ASXL1: variants seen among roughly 807,000 people sequenced by gnomAD.
ASXL1 encodes polycomb group protein ASXL1.
ASXL1 carries 65 observed loss-of-function variants against 89.1 expected under a neutral mutation model. The observed-to-expected ratio is 0.73, with a 90% confidence interval of 0.60 to 0.90. The LOEUF (loss-of-function observed/expected upper bound fraction) is 0.90, where lower values mean the gene tolerates loss of function less well. Among genes scored for constraint, ASXL1 ranks in the 40% least tolerant of loss-of-function variants. The pLI is 0.00. For synonymous variants in ASXL1, 739 were observed against 746.9 expected (o/e 0.99, Z 0.17); for missense variants, 1,786 against 1,942.9 (o/e 0.92, Z 1.52).
chr20:32,414,437 T>C (rs2049102140), intron 4 of ASXL1, among the ~76,000 whole-genome samples: 1 of 151,850 alleles, frequency 6.6e-6, no homozygotes, highest in Non-Finnish European at 1.5e-5. Flanking sequence ...CTGGCTGAGC[T>C]GTAGTACGTG....
intron 4 of ASXL1, among the ~76,000 whole-genome samples, chr20:32,392,096 T>A (rs2048682432): frequency 6.6e-6 from 1 of 151,904 alleles, no homozygotes; most frequent in South Asian, 2.1e-4. Context: ...TTGGGTTAAG[T>A]CCACCATCTA....
chr20:32,415,992 GTTGA>G (rs1443137418), intron 4 of ASXL1, among the ~76,000 whole-genome samples: 3 of 152,242 alleles, frequency 2.0e-5, no homozygotes, highest in South Asian at 2.1e-4. Flanking sequence ...ATGCCATGTT[GTTGA>G]TTAAGAAGAT....
chr20:32,398,317 G>A (rs956379942), intron 4 of ASXL1, among the ~76,000 whole-genome samples: 2 of 152,012 alleles, frequency 1.3e-5, no homozygotes, highest in African/African-American at 4.8e-5. Context: ...TGCCTCCTGG[G>A]TTCAAGCGAT....
At chr20:32,371,750 C>T (rs2048304667) in intron 4 of ASXL1, 1 of 447,184 alleles carries the variant, frequency 2.2e-6, no homozygotes, top group African/African-American at 2.0e-5. Flanking sequence ...ACACCATCAC[C>T]CCAGCTAATT....
intron 3 of ASXL1, 28 bp downstream of exon 3, chr20:32,367,757 A>C: frequency 1.3e-6 from 1 of 780,768 alleles, no homozygotes; most frequent in South Asian, 1.3e-5. Context: ...GGACATATGG[A>C]ATTGAGAACC....
intron 4 of ASXL1, among the ~76,000 whole-genome samples, chr20:32,378,600 A>G (rs2048429500): frequency 1.3e-5 from 2 of 152,000 alleles, no homozygotes; most frequent in Admixed American, 1.3e-4. Context: ...GTCAGTGTTG[A>G]TTATTGCCCG....
intron 4 of ASXL1, among the ~76,000 whole-genome samples, chr20:32,400,444 G>T (rs1001379701): frequency 1.3e-5 from 2 of 152,156 alleles, no homozygotes; most frequent in East Asian, 3.8e-4. Flanking sequence ...TGTAGTAGTT[G>T]GTTTATGGCT....
intron 4 of ASXL1, among the ~76,000 whole-genome samples, chr20:32,425,207 G>A (rs1353970868): frequency 6.6e-6 from 1 of 152,058 alleles, no homozygotes; most frequent in Non-Finnish European, 1.5e-5. Context: ...TTCATTTTTT[G>A]TTGCTGTATA....
intron 4 of ASXL1, among the ~76,000 whole-genome samples, chr20:32,410,122 G>A (rs2049018838): frequency 1.3e-5 from 2 of 152,098 alleles, no homozygotes; most frequent in South Asian, 4.1e-4. Context: ...CTTGGTTAAG[G>A]TGGTGTCTGC....
In ASXL1 at chr20:32,428,190, G is replaced by A. The variant is rs142703253; in HGVS notation, c.315G>A (p.Thr105=). The A allele has an allele frequency of 1.0e-4, 164 of 1,614,014 alleles. No homozygotes were observed. Among genetic ancestry groups the A allele is most frequent in the Non-Finnish European group, 1.3e-4 (153 of 1,180,034 alleles). ...TGGAGGGAGAGGAGCCAGAGGACAC[G>A]GCTGATGTGGAGAGCTGTGGGTCTA... ...ATVEGEEPED[T]ADVESCGSNE... is the part of the protein sequence containing the mutation. Residue 105 remains threonine, a synonymous_variant, in exon 5 of 13, where the codon ACG becomes ACA. Transcript: ENST00000375687.
chr20:32,378,112 C>T (rs931651272), intron 4 of ASXL1, among the ~76,000 whole-genome samples: 1 of 147,570 alleles, frequency 6.8e-6, no homozygotes, highest in African/African-American at 2.5e-5. Flanking sequence ...ACTTTAGCCT[C>T]CCAGGTAGTT....
At position 32,429,944 on chromosome 20, in the gene ASXL1, C is replaced by T. The variant is rs766377304; in HGVS notation, c.609C>T (p.Ser203=). ...CCGATGGCGAGAGCGGCAGCCCGTC[C>T]AGCAGCAGCAGCGGCTCTCTGGCCC... ...CHADGESGSP[S]SSSSGSLALG... The change falls in exon 8 of 13, where the codon TCC becomes TCT. Residue 203 remains serine, a synonymous_variant. Coordinates refer to ENST00000375687, the MANE Select transcript of ASXL1 (RefSeq NM_015338.6). This position sits in a 1 kb window ranked among gnomAD's most constrained non-coding sequence, Gnocchi z 4.9. 4 of 1,607,694 alleles carry T rather than the reference C, an allele frequency of 2.5e-6. No individual in the cohort carries two copies. Among genetic ancestry groups the T allele is most frequent in the Non-Finnish European group, 2.5e-6 (3 of 1,179,292 alleles).
chr20:32,435,136 T>C lies in ASXL1; in HGVS notation c.2424T>C (p.Pro808=). The change falls in exon 13 of 13, where the codon CCT becomes CCC. Residue 808 remains proline (P), a synonymous_variant. Transcript: ENST00000375687. ...ATGAGGAGCAAGGACCCACCGTTCC[T>C]GCAGACAATGGTCCCATTCCGTCTC... ...SDDEEQGPTV[P]ADNGPIPSLV... is the part of the protein sequence containing the mutation. 1 of 1,613,978 alleles carries C rather than the reference T, an allele frequency of 6.2e-7. No individual in the cohort carries two copies. The highest frequency in any genetic ancestry group is 8.5e-7 in the Non-Finnish European group (1 of 1,180,040).
intron 4 of ASXL1, among the ~76,000 whole-genome samples, chr20:32,383,255 G>C (rs1478833498): frequency 6.6e-6 from 1 of 151,102 alleles, no homozygotes; most frequent in East Asian, 1.9e-4. Flanking sequence ...CTGTTCCTTA[G>C]GCTGGAGTTT....
chr20:32,377,970 C>CTGTGTGTGTGTGTGTG (rs1361008874), intron 4 of ASXL1, among the ~76,000 whole-genome samples: 2 of 59,714 alleles, frequency 3.3e-5, no homozygotes, highest in East Asian at 1.0e-3. Context: ...AAAGTTTTGA[C>CTGTGTGTGTGTGTGTG]TCTGTGTGTG....
At chr20:32,382,175 A>T (rs1351920126) in intron 4 of ASXL1, among the ~76,000 whole-genome samples, 1 of 150,798 alleles carries the variant, frequency 6.6e-6, no homozygotes, top group Non-Finnish European at 1.5e-5. Context: ...GTGTTTTTCC[A>T]TGTTGGTCAG....
intron 4 of ASXL1, among the ~76,000 whole-genome samples, chr20:32,424,055 T>C (rs1380000914): frequency 6.6e-6 from 1 of 152,220 alleles, no homozygotes; most frequent in African/African-American, 2.4e-5. Context: ...CTAATGAGAT[T>C]TGTAAACAGT....
intron 4 of ASXL1, among the ~76,000 whole-genome samples, chr20:32,394,130 G>C (rs1267435569): frequency 1.3e-5 from 2 of 151,772 alleles, no homozygotes; most frequent in Non-Finnish European, 1.5e-5. Flanking sequence ...AGCCTCCCAA[G>C]TAGCTGGTAT....
intron 4 of ASXL1, among the ~76,000 whole-genome samples, chr20:32,379,363 A>AT (rs1206922133): frequency 3.5e-5 from 5 of 143,214 alleles, no homozygotes; most frequent in African/African-American, 7.5e-5. Context: ...TTATTTATTT[A>AT]TTATTATTAT....
Sources: allele counts gnomAD v4.1 joint callset (sites outside exome capture counted in the v4.1 genomes callset), GRCh38; gene constraint gnomAD v4.1.1; non-coding constraint Gnocchi (gnomAD v3.1); transcripts MANE v1.5; gene names NCBI Gene and HGNC (gene_info 2026-07-23, HGNC 2026-07-21).